Variants in EVL observed in about 807,000 individuals in gnomAD.
The protein encoded by EVL is ena/VASP-like protein.
Under a neutral mutation model 59.6 loss-of-function variants are expected in EVL, and 21 were observed. That is an observed-to-expected ratio of 0.35 (90% confidence interval 0.25 to 0.51). The LOEUF is 0.51. Among genes scored for constraint, EVL ranks in the 20% least tolerant of loss-of-function variants. The pLI is 0.97. For missense variants in EVL, 462 were observed against 546.6 expected, an observed-to-expected ratio of 0.85 and a Z score of 1.54; for synonymous variants, 198 against 203.5, an observed-to-expected ratio of 0.97 and a Z score of 0.23.
At chr14:100,028,226 G>A (rs764498736) in intron 1 of EVL, among the ~76,000 whole-genome samples, 11 of 150,374 alleles carry the variant, frequency 7.3e-5, no homozygotes, top group Non-Finnish European at 1.2e-4. Flanking sequence ...GTGTACAAGG[G>A]CCCCCCTTTC....
At chr14:100,068,235 G>C (rs1836849112) in intron 1 of EVL, among the ~76,000 whole-genome samples, 1 of 152,204 alleles carries the variant, frequency 6.6e-6, no homozygotes, top group African/African-American at 2.4e-5. Context: ...AGTATCCTCA[G>C]CTGGGGACGA....
At chr14:100,121,524 G>A (rs73349556) in intron 3 of EVL, among the ~76,000 whole-genome samples, 4,224 of 152,312 alleles carry the variant, frequency 0.028, 201 homozygotes, top group African/African-American at 0.096. Flanking sequence ...CAAGCCTTAC[G>A]TAATCAGTGC....
chr14:99,982,995 A>G (rs962189127), intron 1 of EVL, among the ~76,000 whole-genome samples: 1 of 152,182 alleles, frequency 6.6e-6, no homozygotes, highest in Non-Finnish European at 1.5e-5. Context: ...ATACATGAGA[A>G]GTTCTCAGCT....
intron 1 of EVL, among the ~76,000 whole-genome samples, chr14:100,073,800 C>T (rs1174525844): frequency 1.3e-5 from 2 of 152,194 alleles, no homozygotes; most frequent in Admixed American, 1.3e-4. Context: ...TGAGAAACCA[C>T]TAGGGCCCAG....
chr14:100,034,493 G>A (rs1407990999), intron 1 of EVL, among the ~76,000 whole-genome samples: 1 of 151,868 alleles, frequency 6.6e-6, no homozygotes, highest in East Asian at 1.9e-4. Flanking sequence ...AGGTCAAAAT[G>A]AATCCCAACA....
At chr14:100,091,086 G>A (rs763845653) in intron 2 of EVL, among the ~76,000 whole-genome samples, 5 of 152,146 alleles carry the variant, frequency 3.3e-5, no homozygotes, top group Admixed American at 6.6e-5. Context: ...TTTCATCGAC[G>A]CTTCCTAGCT....
chr14:99,976,563 A>G lies in EVL; in HGVS notation c.5+4506A>G, dbSNP rs145670216. Among the ~76,000 whole-genome samples the G allele has an allele frequency of 2.0e-3, 305 of 151,706 alleles. 1 individual carries two copies. Among genetic ancestry groups the G allele is most frequent in the African/African-American group, 7.0e-3 (291 of 41,310 alleles). ...TAGTGTTTTTTTTAATGTGTGGTAA[A>G]CATCATATTTGCAAAATTATTTGTA... On this transcript the variant is annotated intron_variant, in intron 1 of 13. Transcript: ENST00000402714.
At chr14:100,014,182 A>G (rs2140194920) in intron 1 of EVL, among the ~76,000 whole-genome samples, 1 of 152,272 alleles carries the variant, frequency 6.6e-6, no homozygotes, top group South Asian at 2.1e-4. Flanking sequence ...TCCCCTGCCC[A>G]TTGGTTACCC....
chr14:99,982,147 C>A (rs1225051825), intron 1 of EVL, among the ~76,000 whole-genome samples: 2 of 152,164 alleles, frequency 1.3e-5, no homozygotes, highest in Non-Finnish European at 2.9e-5. Context: ...CCACATCAAA[C>A]CTGTGGTGTA....
chr14:100,136,469 GTAGT>G (rs1019313442), intron 9 of EVL, among the ~76,000 whole-genome samples: 1 of 152,210 alleles, frequency 6.6e-6, no homozygotes, highest in African/African-American at 2.4e-5. Flanking sequence ...CAGATGGGAG[GTAGT>G]TAGGAGAGTA....
chr14:100,060,356 G>A (rs1454060819), intron 1 of EVL, among the ~76,000 whole-genome samples: 5 of 151,390 alleles, frequency 3.3e-5, no homozygotes, highest in African/African-American at 1.2e-4. Flanking sequence ...GCGTGAACCC[G>A]GGAGGCGGAG....
Position 100,141,173 on chromosome 14 carries a change from C to G in EVL, c.1095-7C>G. 6.2e-7 allele frequency: 1 copy of G among 1,613,670 alleles called. No homozygotes were observed. Among genetic ancestry groups the G allele is most frequent in the South Asian group, 1.1e-5 (1 of 91,066 alleles). ...GCCAGGGCACCCACAGGCCCTTTCT[C>G]TCCCAGGATGAAGCCTGCTGGGAGC... On this transcript the variant is annotated splice_polypyrimidine_tract_variant and splice_region_variant and intron_variant, in intron 11 of 13. Transcript: ENST00000392920.
intron 3 of EVL, among the ~76,000 whole-genome samples, chr14:100,121,469 G>C (rs921804542): frequency 1.3e-5 from 2 of 152,320 alleles, no homozygotes; most frequent in African/African-American, 4.8e-5. Context: ...TCAGGGCCAT[G>C]GTGGCTCAAA....
chr14:100,020,633 C>T (rs1162057275), intron 1 of EVL, among the ~76,000 whole-genome samples: 1 of 152,082 alleles, frequency 6.6e-6, no homozygotes, highest in Non-Finnish European at 1.5e-5. Flanking sequence ...TTTATTCCTC[C>T]AAATGTTGCT....
chr14:100,016,431 A>C (rs1026243017), intron 1 of EVL, among the ~76,000 whole-genome samples: 2 of 152,156 alleles, frequency 1.3e-5, no homozygotes, highest in Non-Finnish European at 2.9e-5. Flanking sequence ...CGGGAGGCTG[A>C]AGCACGAGAA....
intron 1 of EVL, among the ~76,000 whole-genome samples, chr14:100,057,590 G>A (rs1431402957): frequency 6.6e-6 from 1 of 152,134 alleles, no homozygotes; most frequent in Non-Finnish European, 1.5e-5. Flanking sequence ...GCTTAGGCAG[G>A]CCCTATCAGC....
intron 3 of EVL, among the ~76,000 whole-genome samples, chr14:100,115,960 G>C (rs1887314535): frequency 6.6e-6 from 1 of 152,244 alleles, no homozygotes; most frequent in African/African-American, 2.4e-5. Context: ...CTGAGCATCA[G>C]TGCACTGGGG....
chr14:100,057,218 A>AT (rs2061747401), intron 1 of EVL, among the ~76,000 whole-genome samples: 1 of 152,116 alleles, frequency 6.6e-6, no homozygotes, highest in African/African-American at 2.4e-5. Context: ...CAGTGGTGGG[A>AT]TTTTTACCTT....
chr14:100,047,872 G>C (rs2061579599), intron 1 of EVL, among the ~76,000 whole-genome samples: 1 of 152,182 alleles, frequency 6.6e-6, no homozygotes. Context: ...CAGTGAGAAA[G>C]TATAGCCTTT....
Sources: gnomAD v4.1 joint callset for allele counts (sites outside exome capture counted in the v4.1 genomes callset) on GRCh38, gnomAD v4.1.1 for gene constraint, MANE v1.5 for transcripts, NCBI Gene and HGNC (gene_info 2026-07-23, HGNC 2026-07-21) for gene names.